Variants in PTK7 observed in about 807,000 individuals in gnomAD.
PTK7 encodes the protein protein tyrosine kinase 7 (inactive).
In PTK7, 39 loss-of-function variants were observed where a neutral mutation model predicts 116.6. That is an observed-to-expected ratio of 0.33 (90% CI 0.26 to 0.44). The LOEUF (loss-of-function observed/expected upper bound fraction) is 0.44, where lower values mean the gene tolerates loss of function less well. PTK7 is among the 20% of genes least tolerant of loss of function. The pLI, the probability that PTK7 is intolerant of heterozygous loss-of-function variation, is 1.00. For missense variants in PTK7, 1,169 were observed against 1,425.6 expected (o/e 0.82, Z 2.90); for synonymous variants, 546 against 563.6 (o/e 0.97, Z 0.44).
chr6:43,091,513 A>G (rs1766956500), intron 1 of PTK7, among the ~76,000 whole-genome samples: 1 of 152,102 alleles, frequency 6.6e-6, no homozygotes. Context: ...GTCTCGTTAG[A>G]GTTCTTGCAA....
chr6:43,154,886 CAG>C (rs1321559538), intron 17 of PTK7, among the ~76,000 whole-genome samples: 1 of 152,226 alleles, frequency 6.6e-6, no homozygotes, highest in Non-Finnish European at 1.5e-5. Context: ...TGATGTGATT[CAG>C]AGAGGCGGCT....
intron 1 of PTK7, among the ~76,000 whole-genome samples, chr6:43,118,741 G>C (rs1222433584): frequency 1.6e-5 from 2 of 122,932 alleles, no homozygotes; most frequent in Non-Finnish European, 3.2e-5. Flanking sequence ...ATGTATATAT[G>C]TGTGTGTATG....
chr6:43,111,886 T>G (rs1768213430), intron 1 of PTK7, among the ~76,000 whole-genome samples: 1 of 151,880 alleles, frequency 6.6e-6, no homozygotes, highest in African/African-American at 2.4e-5. Context: ...CTTACTGTGT[T>G]GCCCAGGCTG....
At chr6:43,147,167 C>G (rs1198704310) in intron 17 of PTK7, among the ~76,000 whole-genome samples, 4 of 152,236 alleles carry the variant, frequency 2.6e-5, no homozygotes, top group Non-Finnish European at 5.9e-5. Flanking sequence ...TGGGTTTCCC[C>G]CTCTGTGGTT....
chr6:43,104,062 CAGT>C (rs1330634829), intron 1 of PTK7, among the ~76,000 whole-genome samples: 1 of 152,160 alleles, frequency 6.6e-6, no homozygotes, highest in Non-Finnish European at 1.5e-5. Flanking sequence ...GTACTTAGAG[CAGT>C]GCCTGGCACA....
rs773398067 is a variant in PTK7 at position 43,130,438 on chromosome 6, G to C, written c.661+18G>C. 6 of 1,604,008 alleles carry C rather than the reference G, an allele frequency of 3.7e-6. No individual in the cohort carries two copies. Among genetic ancestry groups the C allele is most frequent in the South Asian group, 3.3e-5 (3 of 90,808 alleles). On this transcript the variant is annotated intron_variant, in intron 4 of 19. Coordinates refer to ENST00000230419, the MANE Select transcript of PTK7 (RefSeq NM_002821.5). ...CATTGCTGGTGAGCCTGGGGTGGGG[G>C]CGGAAGGGATGAGGTGAGCACAGGA...
At chr6:43,136,078 C>A (rs1334518565) in intron 7 of PTK7, among the ~76,000 whole-genome samples, 1 of 152,222 alleles carries the variant, frequency 6.6e-6, no homozygotes, top group Non-Finnish European at 1.5e-5. Context: ...ATCCCAGCTA[C>A]TCAGGAGGCG....
Position 43,130,610 on chromosome 6 carries a change from C to T in PTK7, c.761C>T (p.Pro254Leu), listed in dbSNP as rs779250545. The T allele has an allele frequency of 7.4e-6, 12 of 1,614,054 alleles. No homozygotes were observed. The highest frequency in any genetic ancestry group is 1.3e-5 in the African/African-American group (1 of 74,900). Reference sequence around the variant, plus strand: ...TGCCAGTTCTCAGCCCAGCCACCCCCGAGCCTGCAGTGGCTCTTTGAGGAT... The same window carrying T: ...TGCCAGTTCTCAGCCCAGCCACCCCTGAGCCTGCAGTGGCTCTTTGAGGAT... ...FHCQFSAQPP[P>L]SLQWLFEDET... The change falls in exon 5 of 20, where the codon CCG becomes CTG. Residue 254 changes from proline (P) to leucine (L), a missense_variant. Physicochemically the swap from Pro to Leu is moderately conservative, Grantham distance 98. This residue lies in a region of PTK7 where 487 missense variants were observed against 549.8 expected (regional missense o/e 0.89). Coordinates refer to ENST00000230419, the MANE Select transcript of PTK7 (RefSeq NM_002821.5).
rs1281742803 is a variant in PTK7 at position 43,158,910 on chromosome 6, A to G, written c.2815A>G (p.Ser939Gly). The change falls in exon 18 of 20, where the codon AGT (serine) becomes GGT (glycine). Residue 939 changes from serine (S) to glycine (G), a missense_variant. Around this residue, in one of 3 missense-constraint regions of PTK7, gnomAD observed 678 missense variants for 853.8 expected, o/e 0.79. Coordinates refer to ENST00000230419, the MANE Select transcript of PTK7 (RefSeq NM_002821.5). ...KDLAARNCLV[S>G]AQRQVKVSAL... is the part of the protein sequence containing the mutation. ...CTTGGCTGCGCGTAACTGCCTGGTC[A>G]GTGCCCAGAGACAAGTGAAGGTGTC... 1.2e-6 allele frequency: 2 copies of G among 1,614,244 alleles called. No individual in the cohort carries two copies. The highest frequency in any genetic ancestry group is 2.2e-5 in the East Asian group (1 of 44,888).
chr6:43,146,741 G>T, intron 17 of PTK7, 43 bp downstream of exon 17: 1 of 1,569,680 alleles, frequency 6.4e-7, no homozygotes. Context: ...GGTGCCCAGG[G>T]GTGGGCCAGG....
At chr6:43,086,363 G>A (rs9472004) in intron 1 of PTK7, among the ~76,000 whole-genome samples, 1,838 of 152,220 alleles carry the variant, frequency 0.012, 20 homozygotes, top group Non-Finnish European at 0.021. Flanking sequence ...GGTGGTTATG[G>A]GGGCCCGCAT....
At chr6:43,158,356 A>G (rs1213900730) in intron 17 of PTK7, among the ~76,000 whole-genome samples, 1 of 151,876 alleles carries the variant, frequency 6.6e-6, no homozygotes, top group Non-Finnish European at 1.5e-5. Context: ...AGTCCTAGCT[A>G]CTTGGAAGGC....
rs1316699922 is a variant in PTK7, at chr6:43,141,949, T to C, written c.1787T>C (p.Val596Ala). 2 of 1,608,450 alleles carry C rather than the reference T, an allele frequency of 1.2e-6. No homozygotes were observed. Among genetic ancestry groups the C allele is most frequent in the South Asian group, 2.2e-5 (2 of 90,874 alleles). Reference protein sequence around the residue: ...LTVAVFITFKVEPERTTVYQG... With the variant: ...LTVAVFITFKAEPERTTVYQG... ...CTTCCAGTTTTTATCACCTTCAAAG[T>C]GGAACCAGAGCGTACGACTGTGTAC... is the stretch of plus-strand genomic sequence containing the variant. The change falls in exon 12 of 20, where the codon GTG (valine) becomes GCG (alanine). Residue 596 changes from valine (V) to alanine (A), a missense_variant. Val to Ala is a moderately conservative substitution (Grantham distance 64). Transcript: ENST00000230419. This position sits in a 1 kb window ranked among gnomAD's most constrained non-coding sequence, Gnocchi z 4.9.
chr6:43,108,392 G>T (rs1448591044), intron 1 of PTK7, among the ~76,000 whole-genome samples: 4 of 150,636 alleles, frequency 2.7e-5, no homozygotes, highest in Non-Finnish European at 5.9e-5. Context: ...ACCGCGCCCG[G>T]CCAACCTTTT....
In PTK7 at chr6:43,161,518, T is replaced by C. The variant is rs1242617189; in HGVS notation, c.*637T>C. The C allele has an allele frequency of 1.5e-5, 2 of 131,036 alleles. No homozygotes were observed. The highest frequency in any genetic ancestry group is 3.2e-5 in the Non-Finnish European group (2 of 63,312). The allele number at this position is 131,036 out of a possible 1,614,324, so 8.1% of individuals were successfully genotyped here. On this transcript the variant is annotated 3_prime_UTR_variant, in exon 20 of 20. Transcript: ENST00000230419. ...CACTATATAAACCGCCCTTTTTGTA[T>C]GCACCACGGGCGGCTTTTATATGTA...
rs1770556044 is a variant in PTK7 at position 43,143,630 on chromosome 6, C to G, written c.2251+10C>G. 2 of 1,608,574 alleles carry G rather than the reference C, an allele frequency of 1.2e-6. No individual in the cohort carries two copies. The highest frequency in any genetic ancestry group is 1.7e-6 in the Non-Finnish European group (2 of 1,178,648). On this transcript the variant is annotated intron_variant, in intron 14 of 19. Coordinates refer to ENST00000230419, the MANE Select transcript of PTK7 (RefSeq NM_002821.5). This position sits in a 1 kb window ranked among gnomAD's most constrained non-coding sequence, Gnocchi z 4.2. Reference sequence around the variant, plus strand: ...ATGGAATGCCTCAACGGTGAGGGGCCCTGGACGGGGAGGTGGTGCCCGTGT... The same window carrying G: ...ATGGAATGCCTCAACGGTGAGGGGCGCTGGACGGGGAGGTGGTGCCCGTGT...
At position 43,145,474 on chromosome 6, in the gene PTK7, G is replaced by A. The variant is rs774178263; in HGVS notation, c.2640+42G>A. The A allele has an allele frequency of 8.2e-6, 12 of 1,464,590 alleles. No individual in the cohort carries two copies. Among genetic ancestry groups the A allele is most frequent in the Non-Finnish European group, 1.0e-5 (11 of 1,086,434 alleles). The allele number at this position is 1,464,590 out of a possible 1,614,324, so 90.7% of individuals were successfully genotyped here. On this transcript the variant is annotated intron_variant, in intron 16 of 19. Coordinates refer to ENST00000230419, the MANE Select transcript of PTK7 (RefSeq NM_002821.5). This position sits in a 1 kb window ranked among gnomAD's most constrained non-coding sequence, Gnocchi z 4.8. ...GGACGTGGGGGTCTCGGGTAGGGAG[G>A]GCAGTGTCCTACAAAGGTGGGAGTC... is the stretch of plus-strand genomic sequence containing the variant.
Position 43,076,411 on chromosome 6 carries a change from C to G in PTK7, c.-78C>G. ...TGCGGCGCCCGCGCTCCGGTGCGCT[C>G]CGCCTCCTGTGCCCGCCGCGGAGCG... On this transcript the variant is annotated 5_prime_UTR_variant, in exon 1 of 20. Coordinates refer to ENST00000230419, the MANE Select transcript of PTK7 (RefSeq NM_002821.5). This position sits in a 1 kb window ranked among gnomAD's most constrained non-coding sequence, Gnocchi z 5.7. 1 of 1,232,028 alleles carries G rather than the reference C, an allele frequency of 8.1e-7. No individual in the cohort carries two copies. The highest frequency in any genetic ancestry group is 1.8e-5 in the South Asian group (1 of 54,984). The allele number at this position is 1,232,028 out of a possible 1,614,324, so 76.3% of individuals were successfully genotyped here. A position where few individuals can be genotyped will look rare whatever the true frequency, so the allele number is the denominator to read the frequency against.
intron 1 of PTK7, among the ~76,000 whole-genome samples, chr6:43,100,464 T>C (rs1247441465): frequency 6.6e-6 from 1 of 152,112 alleles, no homozygotes; most frequent in African/African-American, 2.4e-5. Flanking sequence ...TAGTCATATT[T>C]GAAAAAGTAG....
Sources: gnomAD v4.1 joint callset for allele counts (sites outside exome capture counted in the v4.1 genomes callset) on GRCh38, gnomAD v4.1.1 for gene constraint, gnomAD v4.1.1 regional missense constraint, Gnocchi (gnomAD v3.1) non-coding constraint, MANE v1.5 for transcripts, NCBI Gene and HGNC (gene_info 2026-07-23, HGNC 2026-07-21) for gene names.